Variants in C1orf105 observed in about 807,000 individuals in gnomAD.
C1orf105 encodes the protein uncharacterized protein C1orf105.
A neutral mutation model predicts 20.8 loss-of-function variants in C1orf105; 17 were observed. The ratio of observed to expected loss-of-function variants is 0.82; its 90% CI spans 0.56 to 1.23. C1orf105 has a LOEUF of 1.23. Ranked by LOEUF, C1orf105 falls within the 50% of genes most tolerant of loss-of-function variation. The pLI is 0.00. For missense variants in C1orf105, 219 were observed against 213.5 expected (o/e 1.03, Z -0.16); for synonymous variants, 72 against 72.1 (o/e 1.00, Z 0.01).
chr1:172,440,110 C>T (rs1180026972), intron 1 of C1orf105, among the ~76,000 whole-genome samples: 1 of 152,178 alleles, frequency 6.6e-6, no homozygotes, highest in Non-Finnish European at 1.5e-5. Flanking sequence ...AGTTCAAAGT[C>T]ATGTCCCAGA....
intron 1 of C1orf105, among the ~76,000 whole-genome samples, chr1:172,436,144 T>A (rs2072033992): frequency 6.6e-6 from 1 of 152,188 alleles, no homozygotes; most frequent in African/African-American, 2.4e-5. Context: ...AGAATCAGTA[T>A]CATGAAAATG....
chr1:172,448,366 C>A, intron 2 of C1orf105, 75 bp from the exon 3 acceptor site: 4 of 1,014,102 alleles, frequency 3.9e-6, no homozygotes, highest in Non-Finnish European at 6.1e-6. Context: ...CTTGTATTCT[C>A]TCAGAAACAA....
intron 3 of C1orf105, among the ~76,000 whole-genome samples, chr1:172,450,859 A>C (rs1648552059): frequency 6.6e-6 from 1 of 152,232 alleles, no homozygotes; most frequent in Non-Finnish European, 1.5e-5. Context: ...ACACACACAG[A>C]GATGAGGGAC....
intron 1 of C1orf105, among the ~76,000 whole-genome samples, chr1:172,440,928 TCA>T (rs372889081): frequency 6.6e-6 from 1 of 152,344 alleles, no homozygotes; most frequent in African/African-American, 2.4e-5. Flanking sequence ...CCATAGTTGT[TCA>T]CAGTTGCCAT....
Position 172,455,330 on chromosome 1 carries a change from C to T in C1orf105, c.199-1085C>T, listed in dbSNP as rs116454957. ...AGGAACTCCTCACTTTCTGTTCCTC[C>T]TCTTTCTGTTCCCCACACTTCCCAG... On this transcript the variant is annotated intron_variant, in intron 3 of 6. Coordinates refer to ENST00000367727, the MANE Select transcript of C1orf105 (RefSeq NM_139240.4). Among the ~76,000 whole-genome samples the T allele has an allele frequency of 2.2e-3, 330 of 152,228 alleles. 1 individual carries two copies. Among genetic ancestry groups the T allele is most frequent in the African/African-American group, 7.8e-3 (322 of 41,546 alleles).
At chr1:172,437,636 T>C (rs2072082011) in intron 1 of C1orf105, among the ~76,000 whole-genome samples, 1 of 149,848 alleles carries the variant, frequency 6.7e-6, no homozygotes, top group Admixed American at 6.6e-5. Flanking sequence ...CTAATGTAAA[T>C]GACGAGTTGA....
At chr1:172,465,937 A>G (rs1028957383) in intron 6 of C1orf105, among the ~76,000 whole-genome samples, 1 of 152,212 alleles carries the variant, frequency 6.6e-6, no homozygotes, top group Non-Finnish European at 1.5e-5. Context: ...GGAGTGAGCC[A>G]TTATTTGGGG....
intron 2 of C1orf105, among the ~76,000 whole-genome samples, chr1:172,446,089 A>G (rs1647970810): frequency 6.6e-6 from 1 of 152,208 alleles, no homozygotes; most frequent in Admixed American, 6.5e-5. Context: ...ATTAAAAAAA[A>G]ATCTCATTCT....
At chr1:172,431,053 GCCTC>G (rs1274409659) in intron 1 of C1orf105, 2 of 649,722 alleles carry the variant, frequency 3.1e-6, no homozygotes, top group Non-Finnish European at 5.6e-6. Flanking sequence ...CTCTTCTTGG[GCCTC>G]CCTATTTCCT....
chr1:172,465,399 A>T (rs1649974320), intron 6 of C1orf105, 36 bp downstream of exon 6: 1 of 1,454,880 alleles, frequency 6.9e-7, no homozygotes, highest in Non-Finnish European at 9.6e-7. Context: ...AGTGTGAAAC[A>T]CACTAGAAAA....
chr1:172,445,839 A>C (rs1275322406), intron 2 of C1orf105, among the ~76,000 whole-genome samples: 1 of 152,162 alleles, frequency 6.6e-6, no homozygotes, highest in Non-Finnish European at 1.5e-5. Context: ...GGGCAGAGAG[A>C]AAGAGAAAGG....
intron 1 of C1orf105, among the ~76,000 whole-genome samples, chr1:172,438,301 G>A (rs1413049358): frequency 6.6e-6 from 1 of 152,188 alleles, no homozygotes; most frequent in Non-Finnish European, 1.5e-5. Context: ...TTCCTCTGAT[G>A]GATCTAGGCA....
chr1:172,448,317 C>A, intron 2 of C1orf105, 124 bp from the exon 3 acceptor site: 2 of 675,518 alleles, frequency 3.0e-6, no homozygotes, highest in Non-Finnish European at 5.2e-6. Flanking sequence ...GGCCTGAGTG[C>A]TCCAGAACTG....
At chr1:172,465,417 A>G in intron 6 of C1orf105, 54 bp downstream of exon 6, 1 of 1,251,448 alleles carries the variant, frequency 8.0e-7, no homozygotes, top group South Asian at 1.2e-5. Context: ...AAAAAATGCC[A>G]TAGAATGACA....
At chr1:172,459,473 A>C (rs1170498377) in intron 4 of C1orf105, among the ~76,000 whole-genome samples, 1 of 152,196 alleles carries the variant, frequency 6.6e-6, no homozygotes, top group Middle Eastern at 3.2e-3. Context: ...AGCAAATGCA[A>C]ATCAAAACCA....
intron 4 of C1orf105, among the ~76,000 whole-genome samples, chr1:172,458,279 C>T (rs1003254789): frequency 2.6e-5 from 4 of 152,162 alleles, no homozygotes; most frequent in Admixed American, 6.5e-5. Flanking sequence ...AGAAGTACAA[C>T]TAGTCTATTT....
At chr1:172,437,783 A>G (rs1003964276) in intron 1 of C1orf105, among the ~76,000 whole-genome samples, 24 of 150,120 alleles carry the variant, frequency 1.6e-4, no homozygotes, top group Non-Finnish European at 3.3e-4. Flanking sequence ...TTTCTACTAG[A>G]AAAAAAAATA....
At chr1:172,421,517 C>CA (rs753311485) in intron 1 of C1orf105, among the ~76,000 whole-genome samples, 5 of 151,968 alleles carry the variant, frequency 3.3e-5, no homozygotes, top group Admixed American at 2.0e-4. Context: ...TATTGTAAGT[C>CA]AAAAATGCAT....
chr1:172,451,344 C>T (rs916840233), intron 3 of C1orf105, among the ~76,000 whole-genome samples: 3 of 152,224 alleles, frequency 2.0e-5, no homozygotes, highest in African/African-American at 4.8e-5. Flanking sequence ...ATTTATTTTG[C>T]TTTTAGCAGA....
Sources: gnomAD v4.1 joint callset for allele counts (sites outside exome capture counted in the v4.1 genomes callset) on GRCh38, gnomAD v4.1.1 for gene constraint, MANE v1.5 for transcripts, NCBI Gene and HGNC (gene_info 2026-07-23, HGNC 2026-07-21) for gene names.